Variants in AGBL1 observed in about 807,000 individuals in gnomAD.
AGBL1 encodes the protein AGBL carboxypeptidase 1.
A neutral mutation model predicts 118.9 loss-of-function variants in AGBL1; 130 were observed. The observed-to-expected ratio is 1.09, with a 90% CI of 0.95 to 1.26. The LOEUF (loss-of-function observed/expected upper bound fraction) is 1.26, where lower values mean the gene tolerates loss of function less well. Ranked by LOEUF, AGBL1 falls within the 50% of genes most tolerant of loss-of-function variation. The pLI, the probability that AGBL1 is intolerant of heterozygous loss-of-function variation, is 0.00. For synonymous variants in AGBL1, 555 were observed against 478.9 expected, an observed-to-expected ratio of 1.16 and a Z score of -2.08; for missense variants, 1,584 against 1,298.1, an observed-to-expected ratio of 1.22 and a Z score of -3.38.
intron 22 of AGBL1, among the ~76,000 whole-genome samples, chr15:86,865,035 G>A (rs991652644): frequency 6.6e-6 from 1 of 152,110 alleles, no homozygotes; most frequent in South Asian, 2.1e-4. Flanking sequence ...TGGAGCAGGG[G>A]TCTTGTTGAC....
At chr15:86,239,351 A>G (rs556239030) in intron 6 of AGBL1, among the ~76,000 whole-genome samples, 2 of 152,386 alleles carry the variant, frequency 1.3e-5, no homozygotes, top group African/African-American at 4.8e-5. Context: ...ATTCAAAACC[A>G]TCATTCTTAT....
intron 22 of AGBL1, among the ~76,000 whole-genome samples, chr15:86,721,176 G>C (rs1310875404): frequency 1.3e-5 from 2 of 152,070 alleles, no homozygotes; most frequent in Non-Finnish European, 2.9e-5. Context: ...TGATACCAAA[G>C]CCTGGCAGAG....
chr15:86,925,664 G>A (rs952948862), intron 23 of AGBL1, among the ~76,000 whole-genome samples: 3 of 150,358 alleles, frequency 2.0e-5, no homozygotes, highest in Non-Finnish European at 4.4e-5. Context: ...TCATTGATGG[G>A]AGTTTTTCTT....
At chr15:86,574,051 A>AC (rs1183590799) in intron 21 of AGBL1, among the ~76,000 whole-genome samples, 22 of 152,212 alleles carry the variant, frequency 1.4e-4, no homozygotes, top group African/African-American at 2.9e-4. Flanking sequence ...AAACAAACAA[A>AC]AAAAAACCAT....
intron 21 of AGBL1, among the ~76,000 whole-genome samples, chr15:86,622,245 T>C (rs1340748596): frequency 6.6e-6 from 1 of 150,776 alleles, no homozygotes. Context: ...CAGGAGAATC[T>C]CTTGAACCAG....
intron 21 of AGBL1, among the ~76,000 whole-genome samples, chr15:86,571,766 G>C (rs2084011385): frequency 1.3e-5 from 2 of 152,310 alleles, no homozygotes; most frequent in East Asian, 1.9e-4. Flanking sequence ...GGTGGGCCCA[G>C]GCAAAAGCAC....
At chr15:86,778,246 G>A (rs982465377) in intron 22 of AGBL1, among the ~76,000 whole-genome samples, 2 of 152,156 alleles carry the variant, frequency 1.3e-5, no homozygotes, top group South Asian at 2.1e-4. Flanking sequence ...GAGGCAGGGC[G>A]AGATCACAGG....
chr15:86,694,356 TAACGTAAA>T lies in AGBL1; in HGVS notation c.3158+19921_3158+19928del, dbSNP rs1024509565. On this transcript the variant is annotated intron_variant, in intron 22 of 22. Coordinates refer to ENST00000614907, the MANE Select transcript of AGBL1 (RefSeq NM_001386094.1). Reference sequence around the variant, plus strand: ...CTAAGTATTTAATTTTTTTTGCAGCTAACGTAAAGGGTGTTGAGTTATTGATTTGATTC... The same window carrying T: ...CTAAGTATTTAATTTTTTTTGCAGCTGGGTGTTGAGTTATTGATTTGATTC... Among the ~76,000 whole-genome samples the T allele has an allele frequency of 1.1e-4, 16 of 152,062 alleles. No homozygotes were observed. In the South Asian group the frequency reaches 3.1e-3, roughly 30 times the overall value.
intron 21 of AGBL1, among the ~76,000 whole-genome samples, chr15:86,596,031 GC>G (rs1045541539): frequency 1.2e-3 from 183 of 152,154 alleles, no homozygotes; most frequent in African/African-American, 4.1e-3. Flanking sequence ...GGGTGTGGTG[GC>G]TCACACTTGT....
In AGBL1 at chr15:86,328,440, A is replaced by T. The variant is rs977489010; in HGVS notation, c.2374+33032A>T. 7.9e-5 allele frequency among the ~76,000 whole-genome samples: 12 copies of T among 152,368 alleles called. No homozygotes were observed. In the South Asian group the frequency reaches 1.0e-3, roughly 13 times the overall value. On this transcript the variant is annotated intron_variant, in intron 17 of 22. Coordinates refer to ENST00000614907, the MANE Select transcript of AGBL1 (RefSeq NM_001386094.1). ...ATAAAACTTAAAAAAAATACAATTT[A>T]TAAAGAAAACGGTTTTTAATTTTTT... is the stretch of plus-strand genomic sequence containing the variant.
chr15:86,798,232 A>G (rs1434367673), intron 22 of AGBL1, among the ~76,000 whole-genome samples: 1 of 152,202 alleles, frequency 6.6e-6, no homozygotes, highest in Non-Finnish European at 1.5e-5. Flanking sequence ...CTCGAGTGAC[A>G]GAGTTGGCTT....
At chr15:86,258,628 T>C (rs560965349) in intron 9 of AGBL1, among the ~76,000 whole-genome samples, 42 of 152,328 alleles carry the variant, frequency 2.8e-4, no homozygotes, top group South Asian at 1.2e-3. Flanking sequence ...ATACAGTCTT[T>C]GTCACAACTG....
intron 21 of AGBL1, among the ~76,000 whole-genome samples, chr15:86,571,865 A>T (rs900366147): frequency 3.9e-5 from 6 of 152,024 alleles, no homozygotes; most frequent in Admixed American, 1.3e-4. Context: ...TTCACTAGGG[A>T]CCTGCCTCCT....
At chr15:86,222,976 A>G (rs750584874) in intron 5 of AGBL1, among the ~76,000 whole-genome samples, 20 of 152,144 alleles carry the variant, frequency 1.3e-4, no homozygotes, top group Non-Finnish European at 2.8e-4. Context: ...CAGGCCAGGG[A>G]TGTGGTTTGA....
chr15:86,671,093 C>G (rs2085738800), intron 21 of AGBL1, among the ~76,000 whole-genome samples: 1 of 152,120 alleles, frequency 6.6e-6, no homozygotes, highest in Non-Finnish European at 1.5e-5. Flanking sequence ...GGTGAACAGG[C>G]TGAAACATTG....
In AGBL1 at chr15:86,420,779, C is replaced by G. The variant is rs575609581; in HGVS notation, c.2555+23233C>G. 3.3e-5 allele frequency among the ~76,000 whole-genome samples: 5 copies of G among 152,214 alleles called. No individual in the cohort carries two copies. In the East Asian group the frequency reaches 9.7e-4, roughly 29 times the overall value. On this transcript the variant is annotated intron_variant, in intron 18 of 22. Coordinates refer to ENST00000614907, the MANE Select transcript of AGBL1 (RefSeq NM_001386094.1). ...GAAGAATATAAATGACCTGATGGAG[C>G]TGAAAAACACAGCAGGAGAACTTCA...
chr15:86,857,576 G>A (rs1021322420), intron 22 of AGBL1, among the ~76,000 whole-genome samples: 10 of 152,304 alleles, frequency 6.6e-5, no homozygotes, highest in Admixed American at 3.3e-4. Flanking sequence ...CAACTCAAAA[G>A]TGACCTCTTT....
intron 2 of AGBL1, among the ~76,000 whole-genome samples, chr15:86,142,982 G>T (rs1230421983): frequency 6.6e-6 from 1 of 152,210 alleles, no homozygotes. Context: ...TGGCCACCTT[G>T]GTTAAGTCAA....
At chr15:86,860,126 C>A (rs1450152513) in intron 22 of AGBL1, among the ~76,000 whole-genome samples, 1 of 152,120 alleles carries the variant, frequency 6.6e-6, no homozygotes, top group African/African-American at 2.4e-5. Flanking sequence ...CATTCACCGA[C>A]TGTAAAAACG....
Sources: gnomAD v4.1 joint callset for allele counts (sites outside exome capture counted in the v4.1 genomes callset) on GRCh38, gnomAD v4.1.1 for gene constraint, MANE v1.5 for transcripts, NCBI Gene and HGNC (gene_info 2026-07-23, HGNC 2026-07-21) for gene names.